IGSF21: variants seen among roughly 807,000 people sequenced by gnomAD.
IGSF21 encodes the protein immunoglobin superfamily member 21.
Under a neutral mutation model 46.8 loss-of-function variants are expected in IGSF21, and 28 were observed. The ratio of observed to expected loss-of-function variants is 0.60; its 90% CI spans 0.44 to 0.82. The LOEUF is 0.82. Ranked by LOEUF, IGSF21 falls within the 40% of genes least tolerant of loss-of-function variation. The pLI, the probability that IGSF21 is intolerant of heterozygous loss-of-function variation, is 0.00. For synonymous variants in IGSF21, 284 were observed against 273.6 expected, an observed-to-expected ratio of 1.04 and a Z score of -0.38; for missense variants, 624 against 665.5, an observed-to-expected ratio of 0.94 and a Z score of 0.69.
At chr1:18,340,460 T>TGAGC (rs2085821031) in intron 4 of IGSF21, among the ~76,000 whole-genome samples, 1 of 152,214 alleles carries the variant, frequency 6.6e-6, no homozygotes, top group Non-Finnish European at 1.5e-5. Context: ...AGTGACTTAC[T>TGAGC]GAGCATTCCC....
At chr1:18,280,193 G>A (rs568373824) in intron 2 of IGSF21, among the ~76,000 whole-genome samples, 70 of 152,090 alleles carry the variant, frequency 4.6e-4, no homozygotes, top group Non-Finnish European at 9.0e-4. Flanking sequence ...CTCACACACA[G>A]GTACACAGAT....
At chr1:18,315,118 C>A (rs1024478867) in intron 3 of IGSF21, among the ~76,000 whole-genome samples, 1 of 151,912 alleles carries the variant, frequency 6.6e-6, no homozygotes, top group African/African-American at 2.4e-5. Context: ...GGCGATGGGG[C>A]GGGGATAGGA....
At chr1:18,367,773 AT>A (rs59394022) in intron 6 of IGSF21, among the ~76,000 whole-genome samples, 50,765 of 147,282 alleles carry the variant, frequency 0.34, 8,778 homozygotes, top group East Asian at 0.49. Context: ...CATCCTGCTA[AT>A]TTTTTTTTTT....
intron 1 of IGSF21, among the ~76,000 whole-genome samples, chr1:18,203,344 T>A (rs1440836069): frequency 6.6e-6 from 1 of 152,226 alleles, no homozygotes; most frequent in Non-Finnish European, 1.5e-5. Context: ...AGTCTCCCTC[T>A]GTCGCCAAGG....
chr1:18,366,291 C>A (rs116324061), intron 6 of IGSF21, among the ~76,000 whole-genome samples: 1 of 152,052 alleles, frequency 6.6e-6, no homozygotes, highest in Admixed American at 6.5e-5. Flanking sequence ...ACACAAGAGT[C>A]GGGTTTCTTC....
intron 9 of IGSF21, 43 bp downstream of exon 9, chr1:18,377,474 C>A: frequency 6.6e-7 from 1 of 1,520,242 alleles, no homozygotes; most frequent in South Asian, 1.1e-5. Context: ...AAGGGAGTGG[C>A]TTTTGAGGCG....
chr1:18,148,137 T>TTC (rs2086487544), intron 1 of IGSF21, among the ~76,000 whole-genome samples: 1 of 146,536 alleles, frequency 6.8e-6, no homozygotes, highest in Non-Finnish European at 1.5e-5. Flanking sequence ...TCCTTTTTTT[T>TTC]TTTTTTTTTT....
chr1:18,133,732 A>G (rs556051664), intron 1 of IGSF21, among the ~76,000 whole-genome samples: 4 of 152,354 alleles, frequency 2.6e-5, no homozygotes, highest in East Asian at 1.9e-4. Context: ...ACACGTCCTC[A>G]GGCCAAATCC....
chr1:18,271,670 G>A (rs954642689), intron 2 of IGSF21, among the ~76,000 whole-genome samples: 1 of 152,200 alleles, frequency 6.6e-6, no homozygotes, highest in African/African-American at 2.4e-5. Flanking sequence ...AGCATCAGTG[G>A]CTGGTCCTGT....
At chr1:18,171,720 C>T (rs1377599391) in intron 1 of IGSF21, among the ~76,000 whole-genome samples, 6 of 152,198 alleles carry the variant, frequency 3.9e-5, no homozygotes, top group African/African-American at 1.4e-4. Flanking sequence ...CCCTTGGCCA[C>T]CTACTTAGCA....
intron 1 of IGSF21, among the ~76,000 whole-genome samples, chr1:18,147,770 A>G (rs1570267920): frequency 6.6e-6 from 1 of 152,166 alleles, no homozygotes; most frequent in Admixed American, 6.5e-5. Context: ...TACTATTATT[A>G]TCTCCATTTT....
At position 18,220,599 on chromosome 1, in the gene IGSF21, G is replaced by A. The variant is rs77722767; in HGVS notation, c.71-7299G>A. 2.4e-3 allele frequency among the ~76,000 whole-genome samples: 367 copies of A among 152,212 alleles called. 2 individuals carry two copies. The highest frequency in any genetic ancestry group is 8.1e-3 in the African/African-American group (338 of 41,534). ...AACAGTTCATGGCCTGTGTTGAGGT[G>A]AGCATACCCTGAATATGTCATTACA... On this transcript the variant is annotated intron_variant, in intron 1 of 9. Coordinates refer to ENST00000251296, the MANE Select transcript of IGSF21 (RefSeq NM_032880.5).
rs187066869 is a variant in IGSF21, at chr1:18,161,817, A to C, written c.70+53619A>C. Among the ~76,000 whole-genome samples, 1,369 of 152,224 alleles carry C rather than the reference A, an allele frequency of 9.0e-3. 22 individuals are homozygous for C. The highest frequency in any genetic ancestry group is 0.031 in the African/African-American group (1,285 of 41,538). Reference sequence around the variant, plus strand: ...AGGCAAAGCGGTGGAGCAAAGGCACAGAGGCTTGAAATCAAGCAGATGAAG... The same window carrying C: ...AGGCAAAGCGGTGGAGCAAAGGCACCGAGGCTTGAAATCAAGCAGATGAAG... On this transcript the variant is annotated intron_variant, in intron 1 of 9. Transcript: ENST00000251296.
At chr1:18,182,173 C>CTT (rs35016415) in intron 1 of IGSF21, among the ~76,000 whole-genome samples, 3,497 of 108,926 alleles carry the variant, frequency 0.032, 159 homozygotes, top group East Asian at 0.11. Flanking sequence ...TGAAAGGTGT[C>CTT]TTTTTTTTTT....
chr1:18,203,411 C>A (rs1025678027), intron 1 of IGSF21, among the ~76,000 whole-genome samples: 3 of 152,150 alleles, frequency 2.0e-5, no homozygotes, highest in Admixed American at 1.3e-4. Context: ...CAGGTTCAAG[C>A]GATTCTTGTG....
chr1:18,346,275 C>G (rs868259323), intron 4 of IGSF21, among the ~76,000 whole-genome samples: 14 of 152,258 alleles, frequency 9.2e-5, no homozygotes, highest in Middle Eastern at 3.4e-3. Flanking sequence ...GGAGTCCAAT[C>G]ACACGCCCTC....
At chr1:18,162,780 A>G (rs2086639404) in intron 1 of IGSF21, among the ~76,000 whole-genome samples, 1 of 152,224 alleles carries the variant, frequency 6.6e-6, no homozygotes, top group Non-Finnish European at 1.5e-5. Context: ...TGTTAGTTTC[A>G]TTCCCTTTAT....
intron 1 of IGSF21, among the ~76,000 whole-genome samples, chr1:18,178,724 G>A (rs1216492568): frequency 1.3e-5 from 2 of 152,060 alleles, no homozygotes; most frequent in Admixed American, 6.5e-5. Flanking sequence ...CGGCTTCTCC[G>A]GCCAGCAAGT....
In IGSF21 at chr1:18,332,061, G is replaced by A. The variant is rs542614869; in HGVS notation, c.306-2831G>A. On this transcript the variant is annotated intron_variant, in intron 3 of 9. Transcript: ENST00000251296. Reference sequence around the variant, plus strand: ...TAAAGCAGCAATCCCGGTGTACCCCGAGCTGTCTTCTATACCACCTGTGAG... The same window carrying A: ...TAAAGCAGCAATCCCGGTGTACCCCAAGCTGTCTTCTATACCACCTGTGAG... 1.2e-4 allele frequency among the ~76,000 whole-genome samples: 18 copies of A among 152,294 alleles called. No homozygotes were observed. The South Asian group carries it at 1.2e-3, about 11-fold the overall frequency.
Sources: allele counts gnomAD v4.1 joint callset (sites outside exome capture counted in the v4.1 genomes callset), GRCh38; gene constraint gnomAD v4.1.1; transcripts MANE v1.5; gene names NCBI Gene and HGNC (gene_info 2026-07-23, HGNC 2026-07-21).